ARAP2: variants seen among roughly 807,000 people sequenced by gnomAD.
ARAP2 encodes the protein arf-GAP with Rho-GAP domain, ANK repeat and PH domain-containing protein 2.
ARAP2 carries 148 observed loss-of-function variants against 194.5 expected under a neutral mutation model. The observed-to-expected ratio is 0.76, with a 90% CI of 0.67 to 0.87. The LOEUF (loss-of-function observed/expected upper bound fraction) is 0.87, where lower values mean the gene tolerates loss of function less well. Ranked by LOEUF, ARAP2 falls within the 40% of genes least tolerant of loss-of-function variation. ARAP2 has a pLI of 0.00. For missense variants in ARAP2, 2,128 were observed against 1,989.7 expected, an observed-to-expected ratio of 1.07 and a Z score of -1.32; for synonymous variants, 695 against 683.5, an observed-to-expected ratio of 1.02 and a Z score of -0.26.
intron 6 of ARAP2, among the ~76,000 whole-genome samples, chr4:36,199,529 A>G (rs1321014186): frequency 3.9e-5 from 6 of 152,142 alleles, no homozygotes; most frequent in Non-Finnish European, 8.8e-5. Flanking sequence ...TGACCTCATG[A>G]TCTGCCCGCC....
At chr4:36,101,965 T>G (rs1005716998) in intron 27 of ARAP2, among the ~76,000 whole-genome samples, 2 of 125,496 alleles carry the variant, frequency 1.6e-5, no homozygotes, top group African/African-American at 6.3e-5. Flanking sequence ...ATTACTCCTT[T>G]GACAATTTAC....
chr4:36,128,771 CT>C (rs759498966), intron 20 of ARAP2, 26 bp from the exon 21 acceptor site: 1 of 1,543,746 alleles, frequency 6.5e-7, no homozygotes, highest in Admixed American at 1.9e-5. Flanking sequence ...AAAAGTTATA[CT>C]TTAAAAGTCT....
chr4:36,048,038 C>A (rs1294656041), intron 3 of ARAP2, among the ~76,000 whole-genome samples: 1 of 152,132 alleles, frequency 6.6e-6, no homozygotes, highest in Non-Finnish European at 1.5e-5. Flanking sequence ...ACATTGGATT[C>A]TTATGGATAG....
intron 26 of ARAP2, among the ~76,000 whole-genome samples, chr4:36,111,162 T>C (rs899841586): frequency 6.6e-6 from 1 of 151,938 alleles, no homozygotes. Flanking sequence ...ATTCATTCAT[T>C]TTTTTACTGC....
At chr4:36,036,278 T>G (rs909680171) in intron 5 of ARAP2, among the ~76,000 whole-genome samples, 2 of 152,136 alleles carry the variant, frequency 1.3e-5, no homozygotes. Flanking sequence ...ACCGGCATGT[T>G]TACTAGTTTA....
chr4:36,077,906 C>T (rs1021274004), intron 31 of ARAP2, among the ~76,000 whole-genome samples: 4 of 152,104 alleles, frequency 2.6e-5, no homozygotes, highest in Non-Finnish European at 5.9e-5. Context: ...TTCCTGGAAG[C>T]CTGCATGATA....
In ARAP2 at chr4:36,032,395, T is replaced by G. The variant is rs186167455; in HGVS notation, n.608-13109A>C. Among the ~76,000 whole-genome samples, 290 of 152,330 alleles carry G rather than the reference T, an allele frequency of 1.9e-3. 1 individual carries two copies. Among genetic ancestry groups the G allele is most frequent in the African/African-American group, 6.7e-3 (280 of 41,586 alleles). Reference sequence around the variant, plus strand: ...TTGTCAAAGCCATTCAAAAACTTAGTTTCTACTCTTTAAAATAAATTCACT... The same window carrying G: ...TTGTCAAAGCCATTCAAAAACTTAGGTTCTACTCTTTAAAATAAATTCACT... On this transcript the variant is annotated intron_variant and non_coding_transcript_variant, in intron 5 of 12. Transcript: ENST00000503225.
intron 3 of ARAP2, among the ~76,000 whole-genome samples, chr4:36,213,599 A>G (rs1248629930): frequency 6.6e-6 from 1 of 152,110 alleles, no homozygotes; most frequent in African/African-American, 2.4e-5. Flanking sequence ...TAGGATCCAC[A>G]TTAACATAAC....
In ARAP2 at chr4:36,148,519, A is replaced by T; in HGVS notation, c.2898-12T>A. ...AGATAAAGATGGGCCTAAAACATGC[A>T]CAAATAAAAAGATACTACCAGTTAT... On this transcript the variant is annotated splice_polypyrimidine_tract_variant and intron_variant, in intron 16 of 32. Transcript: ENST00000303965. 1 of 1,592,650 alleles carries T rather than the reference A, an allele frequency of 6.3e-7. No individual in the cohort carries two copies.
intron 26 of ARAP2, among the ~76,000 whole-genome samples, chr4:36,108,159 A>C (rs1718918620): frequency 6.6e-6 from 1 of 151,880 alleles, no homozygotes; most frequent in African/African-American, 2.4e-5. Flanking sequence ...CTGCCTCCCA[A>C]AGTGGTGGGA....
At chr4:36,121,395 T>C in intron 22 of ARAP2, 69 bp from the exon 23 acceptor site, 3 of 1,411,142 alleles carry the variant, frequency 2.1e-6, no homozygotes, top group East Asian at 2.5e-5. Flanking sequence ...AGAAAGCCAG[T>C]TTATCAATTT....
chr4:36,145,712 T>C (rs1015943271), intron 19 of ARAP2, among the ~76,000 whole-genome samples: 9 of 151,916 alleles, frequency 5.9e-5, no homozygotes, highest in Non-Finnish European at 1.2e-4. Flanking sequence ...CTGTCTTCCT[T>C]ATTGCTCTGG....
At chr4:36,194,419 T>C (rs1174102162) in intron 6 of ARAP2, among the ~76,000 whole-genome samples, 3 of 152,156 alleles carry the variant, frequency 2.0e-5, no homozygotes, top group African/African-American at 7.2e-5. Flanking sequence ...TTTTGGTCTT[T>C]AACACAGAAA....
At chr4:36,128,019 GC>G (rs1168803266) in intron 21 of ARAP2, among the ~76,000 whole-genome samples, 1 of 151,894 alleles carries the variant, frequency 6.6e-6, no homozygotes, top group Non-Finnish European at 1.5e-5. Context: ...CTCTTAATTA[GC>G]TTTTCTTACA....
intron 21 of ARAP2, among the ~76,000 whole-genome samples, chr4:36,127,892 T>C (rs185072638): frequency 4.1e-4 from 62 of 152,094 alleles, no homozygotes; most frequent in African/African-American, 1.3e-3. Context: ...TTTAAGTCTT[T>C]GTTATTGTAA....
chr4:36,127,935 G>A (rs921935281), intron 21 of ARAP2, among the ~76,000 whole-genome samples: 3 of 151,842 alleles, frequency 2.0e-5, no homozygotes, highest in Admixed American at 6.6e-5. Context: ...TTAAATCATC[G>A]GAGGTTAAAA....
At chr4:36,073,965 G>GCC in intron 31 of ARAP2, 142 bp from the exon 32 acceptor site, 2 of 1,070,548 alleles carry the variant, frequency 1.9e-6, no homozygotes, top group Non-Finnish European at 2.7e-6. Flanking sequence ...TTATGATGTT[G>GCC]ACTCTGGTGG....
intron 2 of ARAP2, among the ~76,000 whole-genome samples, chr4:36,223,883 G>A (rs1232269479): frequency 6.6e-6 from 1 of 152,060 alleles, no homozygotes; most frequent in Non-Finnish European, 1.5e-5. Flanking sequence ...ATTTCTATTG[G>A]TTAAACTACC....
At chr4:36,107,758 T>C (rs2109467210) in intron 26 of ARAP2, 65 bp from the exon 27 acceptor site, 1 of 1,465,502 alleles carries the variant, frequency 6.8e-7, no homozygotes, top group South Asian at 1.4e-5. Context: ...TATTTTATAA[T>C]CATAAATTTT....
Sources: allele counts gnomAD v4.1 joint callset (sites outside exome capture counted in the v4.1 genomes callset), GRCh38; gene constraint gnomAD v4.1.1; transcripts MANE v1.5; gene names NCBI Gene and HGNC (gene_info 2026-07-23, HGNC 2026-07-21).